Variants in ADAM29 observed in about 807,000 individuals in gnomAD.
ADAM29 encodes ADAM metallopeptidase domain 29, also known as disintegrin and metalloproteinase domain-containing protein 29.
For synonymous variants in ADAM29, 367 were observed against 342.3 expected, an observed-to-expected ratio of 1.07 and a Z score of -0.80; for missense variants, 969 against 1,001.8, an observed-to-expected ratio of 0.97 and a Z score of 0.44.
At chr4:174,952,445 C>T (rs1366536463) in intron 4 of ADAM29, among the ~76,000 whole-genome samples, 1 of 152,030 alleles carries the variant, frequency 6.6e-6, no homozygotes, top group Non-Finnish European at 1.5e-5. Flanking sequence ...AATATCAGTG[C>T]ATACTAACAC....
At chr4:174,953,754 A>G (rs1745328611) in intron 4 of ADAM29, among the ~76,000 whole-genome samples, 1 of 152,110 alleles carries the variant, frequency 6.6e-6, no homozygotes, top group African/African-American at 2.4e-5. Flanking sequence ...TCTGTTGCCC[A>G]GGCTGGAGTG....
chr4:174,934,968 G>T (rs1744119460), intron 3 of ADAM29, among the ~76,000 whole-genome samples: 1 of 152,108 alleles, frequency 6.6e-6, no homozygotes, highest in Non-Finnish European at 1.5e-5. Flanking sequence ...TACCTGAATG[G>T]ATAGAAAGAA....
intron 4 of ADAM29, among the ~76,000 whole-genome samples, chr4:174,947,365 T>C (rs1300661168): frequency 6.6e-6 from 1 of 152,118 alleles, no homozygotes; most frequent in Non-Finnish European, 1.5e-5. Flanking sequence ...GATCTAACTT[T>C]TAGGTGTGGG....
At chr4:174,945,442 G>T (rs781231388) in intron 4 of ADAM29, among the ~76,000 whole-genome samples, 3 of 152,014 alleles carry the variant, frequency 2.0e-5, no homozygotes, top group African/African-American at 4.8e-5. Context: ...CCTTCTGTAG[G>T]TTGTCTTAAA....
At chr4:174,953,544 T>A (rs1745311565) in intron 4 of ADAM29, among the ~76,000 whole-genome samples, 1 of 152,160 alleles carries the variant, frequency 6.6e-6, no homozygotes. Flanking sequence ...GACACAAAAC[T>A]GGCCCAGATA....
At chr4:174,943,528 A>G (rs1343268295) in intron 4 of ADAM29, among the ~76,000 whole-genome samples, 1 of 152,192 alleles carries the variant, frequency 6.6e-6, no homozygotes, top group African/African-American at 2.4e-5. Flanking sequence ...GAGAGAGAGC[A>G]AGGGAGGATC....
chr4:174,934,194 T>C (rs1190567536), intron 3 of ADAM29, among the ~76,000 whole-genome samples: 1 of 152,214 alleles, frequency 6.6e-6, no homozygotes, highest in Non-Finnish European at 1.5e-5. Flanking sequence ...ATTGTGTTTT[T>C]GATTTGCATT....
chr4:174,953,704 CTTTTTTTTATTATTA>C (rs1012082687), intron 4 of ADAM29, among the ~76,000 whole-genome samples: 1 of 151,770 alleles, frequency 6.6e-6, no homozygotes, highest in African/African-American at 2.4e-5. Flanking sequence ...ATGACCCATG[CTTTTTTTTATTATTA>C]TTTTTTTCTG....
At chr4:174,975,248 C>G (rs2111114183) in intron 4 of ADAM29, 98 bp from the exon 5 acceptor site, 1 of 312,212 alleles carries the variant, frequency 3.2e-6, no homozygotes, top group Non-Finnish European at 5.8e-6. Flanking sequence ...TCACTTTTAT[C>G]TCATGTTTTT....
chr4:174,969,757 T>A (rs1312518306), intron 4 of ADAM29, among the ~76,000 whole-genome samples: 6 of 152,100 alleles, frequency 3.9e-5, no homozygotes, highest in Non-Finnish European at 8.8e-5. Flanking sequence ...TAATTTATAC[T>A]AATTACTTTT....
At position 174,977,283 on chromosome 4, in the gene ADAM29, C is replaced by T. The variant is rs1746892933; in HGVS notation, c.1758C>T (p.Tyr586=). The T allele has an allele frequency of 4.3e-6, 7 of 1,613,766 alleles. No homozygotes were observed. The highest frequency in any genetic ancestry group is 5.9e-6 in the Non-Finnish European group (7 of 1,179,976). ...ACATAATGTGCTGGAGTACTGATTA[C>T]CATTTGGGGATGAAGGGACCTGATA... The part of the protein sequence containing the change: ...FNDIMCWSTD[Y]HLGMKGPDIG... Residue 586 remains tyrosine (Y), a synonymous_variant, in exon 5 of 5, where the codon TAC becomes TAT. Transcript: ENST00000359240.
chr4:174,930,630 C>G (rs558696488), intron 2 of ADAM29, among the ~76,000 whole-genome samples: 159 of 152,042 alleles, frequency 1.0e-3, no homozygotes, highest in Non-Finnish European at 1.6e-3. Flanking sequence ...TTTTTTCCTT[C>G]AACTATTAAT....
chr4:174,944,934 A>G (rs1744755211), intron 4 of ADAM29, among the ~76,000 whole-genome samples: 1 of 152,072 alleles, frequency 6.6e-6, no homozygotes, highest in South Asian at 2.1e-4. Context: ...TCTGTCATTG[A>G]TGGGTACTTG....
intron 2 of ADAM29, among the ~76,000 whole-genome samples, chr4:174,930,742 A>G (rs1436555294): frequency 6.6e-6 from 1 of 152,186 alleles, no homozygotes; most frequent in Non-Finnish European, 1.5e-5. Flanking sequence ...AACAATTCAA[A>G]TAGCCCACTA....
At chr4:174,952,055 T>C (rs1745207629) in intron 4 of ADAM29, among the ~76,000 whole-genome samples, 1 of 152,196 alleles carries the variant, frequency 6.6e-6, no homozygotes, top group South Asian at 2.1e-4. Flanking sequence ...TGTGAGGTAA[T>C]GCATATGCTA....
rs769587482 is a variant in ADAM29, at chr4:174,976,799, G to C, written c.1274G>C (p.Cys425Ser). The C allele has an allele frequency of 4.5e-5, 72 of 1,614,094 alleles. No homozygotes were observed. The highest frequency in any genetic ancestry group is 6.0e-5 in the Non-Finnish European group (71 of 1,180,048). Reference sequence around the variant, plus strand: ...AAGCATTGTGCAAAAGATCCCTGCTGTCTGTCAAATTGCACTCTGACTGAT... The same window carrying C: ...AAGCATTGTGCAAAAGATCCCTGCTCTCTGTCAAATTGCACTCTGACTGAT... ...PLKHCAKDPCCLSNCTLTDGS... is the reference protein window; with the variant it reads ...PLKHCAKDPCSLSNCTLTDGS... The change falls in exon 5 of 5, where the codon TGT becomes TCT. Residue 425 changes from cysteine to serine, a missense_variant. Coordinates refer to ENST00000359240, the MANE Select transcript of ADAM29 (RefSeq NM_014269.4).
intron 4 of ADAM29, among the ~76,000 whole-genome samples, chr4:174,958,040 G>A (rs1405528641): frequency 2.6e-5 from 4 of 151,718 alleles, no homozygotes; most frequent in Non-Finnish European, 5.9e-5. Context: ...TATTTTGTAT[G>A]ATTTAGATTC....
At chr4:174,961,287 A>G (rs1745805297) in intron 4 of ADAM29, among the ~76,000 whole-genome samples, 2 of 151,472 alleles carry the variant, frequency 1.3e-5, no homozygotes, top group South Asian at 2.1e-4. Flanking sequence ...TGATATTATG[A>G]TATATTTATC....
At chr4:174,954,644 T>G (rs1241327256) in intron 4 of ADAM29, among the ~76,000 whole-genome samples, 1 of 152,200 alleles carries the variant, frequency 6.6e-6, no homozygotes, top group Non-Finnish European at 1.5e-5. Context: ...ATTTAACACC[T>G]GAGTCACTGC....
Sources: gnomAD v4.1 joint callset for allele counts (sites outside exome capture counted in the v4.1 genomes callset) on GRCh38, gnomAD v4.1.1 for gene constraint, MANE v1.5 for transcripts, NCBI Gene and HGNC (gene_info 2026-07-23, HGNC 2026-07-21) for gene names.